ADCK5: variants seen among roughly 807,000 people sequenced by gnomAD.
ADCK5 encodes aarF domain containing kinase 5, also known as uncharacterized aarF domain-containing protein kinase 5.
ADCK5 carries 43 observed loss-of-function variants against 64.9 expected under a neutral mutation model. That is an observed-to-expected ratio of 0.66 (90% confidence interval 0.52 to 0.85). The LOEUF (loss-of-function observed/expected upper bound fraction) is 0.85. ADCK5 is among the 40% of genes least tolerant of loss of function. The pLI, the probability that ADCK5 is intolerant of heterozygous loss-of-function variation, is 0.00. For synonymous variants in ADCK5, 434 were observed against 342.8 expected, an observed-to-expected ratio of 1.27 and a Z score of -2.94; for missense variants, 760 against 810.5, an observed-to-expected ratio of 0.94 and a Z score of 0.76.
At chr8:144,382,843 G>C (rs568560724) in intron 2 of ADCK5, among the ~76,000 whole-genome samples, 1 of 152,360 alleles carries the variant, frequency 6.6e-6, no homozygotes, top group African/African-American at 2.4e-5. Context: ...TGCGTCTCTG[G>C]ACAGACCTGA....
rs1819818642 is a variant in ADCK5 at position 144,384,383 on chromosome 8, C to A, written c.266+1153C>A. On this transcript the variant is annotated intron_variant, in intron 3 of 14. Coordinates refer to ENST00000308860, the MANE Select transcript of ADCK5 (RefSeq NM_174922.5). This position sits in a 1 kb window ranked among gnomAD's most constrained non-coding sequence, Gnocchi z 5.7. ...GAAGTTTCACAGAAATTTCCTCCAG[C>A]AGTGAGTGGAAGCTTGTGGATAGCT... 6.6e-6 allele frequency among the ~76,000 whole-genome samples: 1 copy of A among 152,196 alleles called. No individual in the cohort carries two copies. The highest frequency in any genetic ancestry group is 1.5e-5 in the Non-Finnish European group (1 of 68,034).
At position 144,392,499 on chromosome 8, in the gene ADCK5, T is replaced by G; in HGVS notation, c.1322T>G (p.Leu441Arg). The change falls in exon 13 of 15, where the codon CTG (leucine) becomes CGG (arginine). Residue 441 changes from leucine to arginine, a missense_variant. Around this residue, in one of 2 missense-constraint regions of ADCK5, gnomAD observed 333 missense variants for 292.0 expected, o/e 1.14. Coordinates refer to ENST00000308860, the MANE Select transcript of ADCK5 (RefSeq NM_174922.5). Reference protein sequence around the residue: ...LMQRPVRLGQLWGSHLLSREE... With the variant: ...LMQRPVRLGQRWGSHLLSREE... Reference sequence around the variant, plus strand: ...CAGCGCCCCGTGCGCCTGGGGCAGCTGTGGGGCTCGCACCTACTGAGCCGC... The same window carrying G: ...CAGCGCCCCGTGCGCCTGGGGCAGCGGTGGGGCTCGCACCTACTGAGCCGC... The G allele has an allele frequency of 7.0e-7, 1 of 1,437,802 alleles. No individual in the cohort carries two copies. The highest frequency in any genetic ancestry group is 9.2e-7 in the Non-Finnish European group (1 of 1,086,646). 89.1% of individuals were successfully genotyped at this position (1,437,802 alleles called of 1,614,324 possible). A position where few individuals can be genotyped will look rare whatever the true frequency, so the allele number is the denominator to read the frequency against.
Position 144,392,846 on chromosome 8 carries a change from C to T in ADCK5, c.1591C>T (p.His531Tyr). The T allele has an allele frequency of 6.3e-7, 1 of 1,595,572 alleles. No homozygotes were observed. The highest frequency in any genetic ancestry group is 1.7e-4 in the Middle Eastern group (1 of 6,048). The change falls in exon 14 of 15, where the codon CAC becomes TAC. Residue 531 changes from histidine (H) to tyrosine (Y), a missense_variant. Transcript: ENST00000308860. The stretch of plus-strand genomic sequence containing the variant: ...TGTCTACGGCACCAGCCTCCTGCGC[C>T]ACGCCAAGGTCGTCTGGGAGATGCT... ...RGVYGTSLLR[H>Y]AKVVWEMLKF...
Position 144,393,025 on chromosome 8 carries a change from T to C in ADCK5, c.1694T>C (p.Leu565Pro), listed in dbSNP as rs782413945. 2 of 1,591,454 alleles carry C rather than the reference T, an allele frequency of 1.3e-6. No individual in the cohort carries two copies. The highest frequency in any genetic ancestry group is 1.3e-5 in the African/African-American group (1 of 74,828). The part of the protein sequence containing the change: ...TALLARALVH[L>P]SLVPPAEELY... ...CTCCTGGCTCGTGCTCTGGTCCACC[T>C]GAGCCTCGTGCCCCCAGCGGAGGAG... The change falls in exon 15 of 15, where the codon CTG (leucine) becomes CCG (proline). Residue 565 changes from leucine to proline, a missense_variant. Coordinates refer to ENST00000308860, the MANE Select transcript of ADCK5 (RefSeq NM_174922.5).
chr8:144,382,957 G>C, intron 2 of ADCK5, 124 bp from the exon 3 acceptor site: 1 of 1,364,450 alleles, frequency 7.3e-7, no homozygotes, highest in Non-Finnish European at 1.0e-6. Flanking sequence ...GTTCTCTGCT[G>C]ACCACACGTC....
At position 144,391,796 on chromosome 8, in the gene ADCK5, C is replaced by T. The variant is rs372024693; in HGVS notation, c.944C>T (p.Ala315Val). The T allele has an allele frequency of 2.3e-5, 36 of 1,557,250 alleles. No individual in the cohort carries two copies. Among genetic ancestry groups the T allele is most frequent in the Non-Finnish European group, 3.0e-5 (35 of 1,157,762 alleles). The change falls in exon 9 of 15, where the codon GCC (alanine) becomes GTC (valine). Residue 315 changes from alanine to valine, a missense_variant. By Grantham distance (64) the Ala-to-Val change is moderately conservative. Coordinates refer to ENST00000308860, the MANE Select transcript of ADCK5 (RefSeq NM_174922.5). ...TGCTCTCCCCAGCGCGTGCTCACTG[C>T]CGACTTCTGCGCCGGCTGCAAGGTC... ...WDKSSKRVLT[A>V]DFCAGCKVND...
chr8:144,383,432 C>T (rs1003435139), intron 3 of ADCK5, among the ~76,000 whole-genome samples: 11 of 152,240 alleles, frequency 7.2e-5, no homozygotes, highest in Admixed American at 3.9e-4. Context: ...TGAGCACTGG[C>T]GGGGCCTATA....
chr8:144,376,400 C>T lies in ADCK5; in HGVS notation c.12+2293C>T, dbSNP rs369060673. On this transcript the variant is annotated intron_variant, in intron 1 of 14. Coordinates refer to ENST00000308860, the MANE Select transcript of ADCK5 (RefSeq NM_174922.5). This position sits in a 1 kb window ranked among gnomAD's most constrained non-coding sequence, Gnocchi z 5.1. The stretch of plus-strand genomic sequence containing the variant: ...TAGGACCACGGTGAACAAGGTGGAG[C>T]GGGACGTGAGCATGAGCAAGGCTGC... Among the ~76,000 whole-genome samples, 18 of 152,112 alleles carry T rather than the reference C, an allele frequency of 1.2e-4. No individual in the cohort carries two copies. Among genetic ancestry groups the T allele is most frequent in the African/African-American group, 3.9e-4 (16 of 41,402 alleles).
intron 3 of ADCK5, among the ~76,000 whole-genome samples, chr8:144,387,322 G>A (rs1258605368): frequency 2.0e-5 from 3 of 152,192 alleles, no homozygotes; most frequent in African/African-American, 7.2e-5. Context: ...TCCCCCATTT[G>A]ATTCCCTTGT....
In ADCK5 at chr8:144,392,884, G is replaced by A. The variant is rs1554861618; in HGVS notation, c.1629G>A (p.Val543=). The change falls in exon 14 of 15, where the codon GTG becomes GTA. Residue 543 remains valine, a synonymous_variant. Coordinates refer to ENST00000308860, the MANE Select transcript of ADCK5 (RefSeq NM_174922.5). ...TCTGGGAGATGCTCAAGTTTGAAGT[G>A]GCGCTCAGGTGAGTGGCCGCGGGGC... is the stretch of plus-strand genomic sequence containing the variant. ...KVVWEMLKFE[V]ALRLETLAMR... 2.5e-6 allele frequency: 4 copies of A among 1,601,778 alleles called. No individual in the cohort carries two copies. Among genetic ancestry groups the A allele is most frequent in the Non-Finnish European group, 1.7e-6 (2 of 1,176,918 alleles).
chr8:144,393,163 G>A lies in ADCK5; in HGVS notation c.*89G>A. On this transcript the variant is annotated 3_prime_UTR_variant, in exon 15 of 15. Coordinates refer to ENST00000308860, the MANE Select transcript of ADCK5 (RefSeq NM_174922.5). ...GAGGTGTAGACACCCCGAGCCCCGT[G>A]GGCACTCGCACTGGGGGGCTGTGAC... is the stretch of plus-strand genomic sequence containing the variant. 1.5e-6 allele frequency: 2 copies of A among 1,377,310 alleles called. No homozygotes were observed. Among genetic ancestry groups the A allele is most frequent in the Admixed American group, 2.7e-5 (1 of 37,294 alleles). 85.3% of individuals were successfully genotyped at this position (1,377,310 alleles called of 1,614,324 possible).
intron 3 of ADCK5, among the ~76,000 whole-genome samples, chr8:144,385,165 C>G (rs1024035273): frequency 6.6e-6 from 1 of 151,904 alleles, no homozygotes; most frequent in African/African-American, 2.4e-5. Flanking sequence ...TGTCTTTAAT[C>G]TCTGCCACTC....
chr8:144,390,344 G>A (rs1297995396), intron 3 of ADCK5, among the ~76,000 whole-genome samples: 4 of 152,220 alleles, frequency 2.6e-5, no homozygotes, highest in Non-Finnish European at 5.9e-5. Flanking sequence ...GCCCAGGCCA[G>A]TCTCGAACTC....
chr8:144,393,017 G>T lies in ADCK5; in HGVS notation c.1686G>T (p.Leu562=). 1.9e-6 allele frequency: 3 copies of T among 1,591,608 alleles called. No homozygotes were observed. The highest frequency in any genetic ancestry group is 1.7e-6 in the Non-Finnish European group (2 of 1,172,666). The part of the protein sequence containing the change: ...MRLTALLARA[L]VHLSLVPPAE... ...TGACCGCCCTCCTGGCTCGTGCTCT[G>T]GTCCACCTGAGCCTCGTGCCCCCAG... Residue 562 remains leucine, a synonymous_variant, in exon 15 of 15, where the codon CTG becomes CTT. Coordinates refer to ENST00000308860, the MANE Select transcript of ADCK5 (RefSeq NM_174922.5).
In ADCK5 at chr8:144,391,836, C is replaced by T. The variant is rs1554860776; in HGVS notation, c.984C>T (p.Ala328=). The change falls in exon 9 of 15, where the codon GCC becomes GCT. Residue 328 remains alanine, a synonymous_variant. Transcript: ENST00000308860. ...GCTGCAAGGTCAACGATGTGGAGGC[C>T]ATCAGGAGCCAGGGGCTGGCAGTGC... The part of the protein sequence containing the change: ...CAGCKVNDVE[A]IRSQGLAVHD... 6 of 1,459,120 alleles carry T rather than the reference C, an allele frequency of 4.1e-6. No homozygotes were observed. The Admixed American group carries it at 8.0e-5, about 19-fold the overall frequency. The allele number at this position is 1,459,120 out of a possible 1,614,324, so 90.4% of individuals were successfully genotyped here.
intron 3 of ADCK5, among the ~76,000 whole-genome samples, chr8:144,386,389 C>T (rs1261449931): frequency 5.4e-5 from 8 of 149,240 alleles, no homozygotes; most frequent in Non-Finnish European, 1.2e-4. Flanking sequence ...TGGAGTTTCG[C>T]TCTTGCTGCC....
chr8:144,388,798 A>G (rs1228211856), intron 3 of ADCK5, among the ~76,000 whole-genome samples: 1 of 151,650 alleles, frequency 6.6e-6, no homozygotes, highest in African/African-American at 2.4e-5. Context: ...ACCCTGGCCT[A>G]ACCCAAGCAC....
At chr8:144,377,578 G>C (rs1405417747) in intron 1 of ADCK5, 1 of 152,230 alleles carries the variant, frequency 6.6e-6, no homozygotes, top group African/African-American at 2.4e-5. Flanking sequence ...TTAATCTCCT[G>C]ACCTCATGAT....
chr8:144,392,902 C>T lies in ADCK5; in HGVS notation c.1637+10C>T, dbSNP rs570128839. The T allele has an allele frequency of 6.3e-6, 10 of 1,599,338 alleles. No homozygotes were observed. Among genetic ancestry groups the T allele is most frequent in the Admixed American group, 5.1e-5 (3 of 58,506 alleles). ...TTGAAGTGGCGCTCAGGTGAGTGGC[C>T]GCGGGGCAGGTGGGTGGCGGGGGCC... On this transcript the variant is annotated intron_variant, in intron 14 of 14. Transcript: ENST00000308860.
Sources: allele counts gnomAD v4.1 joint callset (sites outside exome capture counted in the v4.1 genomes callset), GRCh38; gene constraint gnomAD v4.1.1; regional missense constraint gnomAD v4.1.1; non-coding constraint Gnocchi (gnomAD v3.1); transcripts MANE v1.5; gene names NCBI Gene and HGNC (gene_info 2026-07-23, HGNC 2026-07-21).